MYO3B: variants seen among roughly 807,000 people sequenced by gnomAD.
MYO3B encodes the protein myosin-IIIb.
In MYO3B, 156 loss-of-function variants were observed where a neutral mutation model predicts 174.6. The ratio of observed to expected loss-of-function variants is 0.89; its 90% CI spans 0.78 to 1.02. The LOEUF is 1.02. MYO3B is among the 50% of genes least tolerant of loss of function. MYO3B has a pLI of 0.00. For synonymous variants in MYO3B, 563 were observed against 569.1 expected (o/e 0.99, Z 0.15); for missense variants, 1,632 against 1,639.4 (o/e 1.00, Z 0.08).
intron 1 of MYO3B, chr2:170,180,084 G>A (rs1194795380): frequency 8.6e-6 from 3 of 350,338 alleles, no homozygotes; most frequent in Non-Finnish European, 1.8e-5. Flanking sequence ...AGTATAAAAT[G>A]TTGCTGGGCA....
chr2:170,258,229 G>A (rs1341818681), intron 7 of MYO3B, among the ~76,000 whole-genome samples: 1 of 152,056 alleles, frequency 6.6e-6, no homozygotes, highest in Non-Finnish European at 1.5e-5. Context: ...TATGAAGCCA[G>A]CATCATTCTG....
At chr2:170,418,810 TAA>T (rs5836277) in intron 22 of MYO3B, among the ~76,000 whole-genome samples, 40 of 146,304 alleles carry the variant, frequency 2.7e-4, no homozygotes, top group Non-Finnish European at 3.0e-4. Context: ...GCAATTACTT[TAA>T]AAAAAAAAAA....
intron 23 of MYO3B, among the ~76,000 whole-genome samples, chr2:170,449,487 AG>A (rs1377645355): frequency 1.3e-5 from 2 of 152,226 alleles, no homozygotes; most frequent in African/African-American, 4.8e-5. Context: ...TCAAAAAAAA[AG>A]TTTTCTTGGC....
At chr2:170,179,989 C>T (rs368465850) in intron 1 of MYO3B, among the ~76,000 whole-genome samples, 1 of 152,122 alleles carries the variant, frequency 6.6e-6, no homozygotes, top group South Asian at 2.1e-4. Context: ...ATTTGTGATT[C>T]ATATATACCA....
chr2:170,630,331 C>A (rs1397703229), intron 32 of MYO3B, among the ~76,000 whole-genome samples: 4 of 152,148 alleles, frequency 2.6e-5, no homozygotes, highest in East Asian at 1.9e-4. Flanking sequence ...TGCAAGGCGG[C>A]AAGCCTGGCT....
Position 170,383,175 on chromosome 2 carries a change from A to G in MYO3B, c.1171A>G (p.Ile391Val), listed in dbSNP as rs1574887930. ...CTTAAACCCCTTCCAGAATCTAAGC[A>G]TATACTCTCCACAGGTAAGGGATGT... ...IALNPFQNLS[I>V]YSPQFSRLYH... Residue 391 changes from isoleucine (I) to valine (V), a missense_variant, in exon 11 of 35, where the codon ATA becomes GTA. Transcript: ENST00000408978. The G allele has an allele frequency of 6.3e-7, 1 of 1,598,830 alleles. No homozygotes were observed. Among genetic ancestry groups the G allele is most frequent in the East Asian group, 2.2e-5 (1 of 44,714 alleles).
At chr2:170,507,382 G>A (rs1687678809) in intron 28 of MYO3B, among the ~76,000 whole-genome samples, 1 of 149,736 alleles carries the variant, frequency 6.7e-6, no homozygotes, top group African/African-American at 2.4e-5. Context: ...TGAGAAAGTG[G>A]GGCTTTCTTT....
intron 22 of MYO3B, among the ~76,000 whole-genome samples, chr2:170,443,429 C>T (rs1419749763): frequency 6.6e-6 from 1 of 152,094 alleles, no homozygotes; most frequent in Non-Finnish European, 1.5e-5. Flanking sequence ...AATTTTCTCC[C>T]ATTCTGTAGG....
intron 1 of MYO3B, among the ~76,000 whole-genome samples, chr2:170,182,314 G>T (rs1397725020): frequency 6.6e-6 from 1 of 151,974 alleles, no homozygotes; most frequent in Non-Finnish European, 1.5e-5. Context: ...GTAGCAATCT[G>T]GCTTAACTTT....
At position 170,199,216 on chromosome 2, in the gene MYO3B, T is replaced by C. The variant is rs746645771; in HGVS notation, c.11T>C (p.Leu4Pro). 2.5e-6 allele frequency: 4 copies of C among 1,608,774 alleles called. No homozygotes were observed. Among genetic ancestry groups the C allele is most frequent in the Non-Finnish European group, 3.4e-6 (4 of 1,177,524 alleles). Residue 4 changes from leucine (L) to proline (P), a missense_variant, in exon 2 of 35, where the codon CTG becomes CCG. Transcript: ENST00000408978. ...ATTTTTCCCCCAACCAGGAAACATC[T>C]GTATGGATTATTTCACTATAATCCT... MKH[L>P]YGLFHYNPMM... is the part of the protein sequence containing the mutation.
intron 30 of MYO3B, among the ~76,000 whole-genome samples, chr2:170,533,651 C>T (rs949074764): frequency 6.6e-6 from 1 of 152,188 alleles, no homozygotes; most frequent in Non-Finnish European, 1.5e-5. Flanking sequence ...ACACAGATAC[C>T]TCATCATTAC....
intron 29 of MYO3B, among the ~76,000 whole-genome samples, 195 bp downstream of exon 29, chr2:170,515,217 T>C (rs1688233496): frequency 6.6e-6 from 1 of 152,144 alleles, no homozygotes; most frequent in Non-Finnish European, 1.5e-5. Context: ...TAGAAGGGAA[T>C]AGAATAGATG....
At chr2:170,281,235 G>A (rs2093507129) in intron 7 of MYO3B, among the ~76,000 whole-genome samples, 1 of 151,848 alleles carries the variant, frequency 6.6e-6, no homozygotes, top group South Asian at 2.1e-4. Context: ...TCTTTTTGTG[G>A]CAATTGTGAA....
At chr2:170,231,107 G>A (rs2093011133) in intron 6 of MYO3B, among the ~76,000 whole-genome samples, 1 of 152,226 alleles carries the variant, frequency 6.6e-6, no homozygotes, top group African/African-American at 2.4e-5. Context: ...GGACAGACAA[G>A]GGGATGATAT....
chr2:170,651,663 C>T lies in MYO3B; in HGVS notation c.3769C>T (p.Pro1257Ser), dbSNP rs1245349844. ...ENGLAQKHRT[P>S]RRRCQQPKML... is the part of the protein sequence containing the mutation. ...TGGTCTTGCACAGAAGCATCGAACA[C>T]CTCGCCGACGATGTCAGCAGCCCAA... Residue 1257 changes from proline (P) to serine (S), a missense_variant, in exon 33 of 35, where the codon CCT becomes TCT. Physicochemically the swap from Pro to Ser is moderately conservative, Grantham distance 74. Transcript: ENST00000408978. The T allele has an allele frequency of 1.2e-6, 2 of 1,614,000 alleles. No individual in the cohort carries two copies. Among genetic ancestry groups the T allele is most frequent in the Non-Finnish European group, 1.7e-6 (2 of 1,180,032 alleles).
chr2:170,624,199 C>A (rs1696189082), intron 32 of MYO3B, among the ~76,000 whole-genome samples: 1 of 152,184 alleles, frequency 6.6e-6, no homozygotes, highest in Admixed American at 6.5e-5. Context: ...TTCTTCCTAT[C>A]CATGAGCATG....
chr2:170,463,439 C>T lies in MYO3B; in HGVS notation c.2802C>T (p.Tyr934=), dbSNP rs1684431726. The T allele has an allele frequency of 6.2e-7, 1 of 1,614,026 alleles. No individual in the cohort carries two copies. Among genetic ancestry groups the T allele is most frequent in the South Asian group, 1.1e-5 (1 of 91,002 alleles). Residue 934 remains tyrosine (Y), a synonymous_variant, in exon 24 of 35, where the codon TAC becomes TAT. Transcript: ENST00000408978. ...TNMKRQTVAS[Y]FRYSLMDLLS... ...TGAAGAGGCAAACTGTGGCTTCTTACTTCCGGGTATGGAGTCTTCTTGATC... is the reference window on the plus strand; with the variant it reads ...TGAAGAGGCAAACTGTGGCTTCTTATTTCCGGGTATGGAGTCTTCTTGATC...
At chr2:170,465,265 G>A (rs1033173815) in intron 24 of MYO3B, among the ~76,000 whole-genome samples, 3 of 152,148 alleles carry the variant, frequency 2.0e-5, no homozygotes, top group African/African-American at 7.2e-5. Flanking sequence ...GGCTTCTGGT[G>A]AGGCCTCGGG....
chr2:170,615,234 C>T (rs914914728), intron 32 of MYO3B, among the ~76,000 whole-genome samples: 4 of 152,194 alleles, frequency 2.6e-5, no homozygotes, highest in Non-Finnish European at 5.9e-5. Context: ...TACTCAGTAC[C>T]TACCATGTAC....
Sources: allele counts gnomAD v4.1 joint callset (sites outside exome capture counted in the v4.1 genomes callset), GRCh38; gene constraint gnomAD v4.1.1; transcripts MANE v1.5; gene names NCBI Gene and HGNC (gene_info 2026-07-23, HGNC 2026-07-21).